C5orf47: variants seen among roughly 807,000 people sequenced by gnomAD.
The protein encoded by C5orf47 is chromosome 5 open reading frame 47, also known as uncharacterized protein C5orf47.
A neutral mutation model predicts 20.6 loss-of-function variants in C5orf47; 20 were observed. The ratio of observed to expected loss-of-function variants is 0.97; its 90% CI spans 0.68 to 1.41. C5orf47 has a LOEUF of 1.41. Among genes scored for constraint, C5orf47 ranks in the 40% most tolerant of loss-of-function variants. The probability of loss-of-function intolerance (pLI) is 0.00; values close to 1 mark genes in which losing one functional copy is unlikely to be tolerated. For synonymous variants in C5orf47, 106 were observed against 97.3 expected, an observed-to-expected ratio of 1.09 and a Z score of -0.53; for missense variants, 262 against 238.4, an observed-to-expected ratio of 1.10 and a Z score of -0.65.
At chr5:174,002,972 T>A (rs1458794688) in intron 4 of C5orf47, among the ~76,000 whole-genome samples, 1 of 152,192 alleles carries the variant, frequency 6.6e-6, no homozygotes, top group African/African-American at 2.4e-5. Context: ...TTGATTCATG[T>A]TATGAATTTT....
intron 1 of C5orf47, among the ~76,000 whole-genome samples, chr5:173,995,211 G>T (rs12519860): frequency 2.6e-5 from 4 of 152,106 alleles, no homozygotes; most frequent in African/African-American, 9.7e-5. Flanking sequence ...AAAACCTATC[G>T]TGTGAGCACT....
At position 173,989,196 on chromosome 5, in the gene C5orf47, C is replaced by G; in HGVS notation, c.-68C>G. ...ACCGCTCCCGCATCCCTCGCCTGCA[C>G]AGTGGGCAGTCTGGCGCCTGTGGCG... On this transcript the variant is annotated 5_prime_UTR_variant, in exon 1 of 5. Transcript: ENST00000340147. The G allele has an allele frequency of 7.5e-7, 1 of 1,330,202 alleles. No homozygotes were observed. Among genetic ancestry groups the G allele is most frequent in the African/African-American group, 1.5e-5 (1 of 65,100 alleles). 82.4% of individuals were successfully genotyped at this position (1,330,202 alleles called of 1,614,324 possible).
intron 1 of C5orf47, among the ~76,000 whole-genome samples, chr5:173,997,821 T>A (rs1011676119): frequency 6.6e-6 from 1 of 152,190 alleles, no homozygotes; most frequent in Admixed American, 6.5e-5. Flanking sequence ...CTGAGAAGAA[T>A]GGAGACTGTA....
At chr5:174,002,139 T>C (rs1176114851) in intron 4 of C5orf47, among the ~76,000 whole-genome samples, 1 of 151,724 alleles carries the variant, frequency 6.6e-6, no homozygotes, top group Non-Finnish European at 1.5e-5. Flanking sequence ...AATTTTTGTT[T>C]TGTATAGGTG....
chr5:173,999,598 T>C lies in C5orf47; in HGVS notation c.412-102T>C, dbSNP rs190629039. The C allele has an allele frequency of 2.2e-5, 11 of 502,018 alleles. No homozygotes were observed. In the Admixed American group the frequency reaches 4.4e-4, roughly 20 times the overall value. The allele number at this position is 502,018 out of a possible 1,614,324, so 31.1% of individuals were successfully genotyped here. On this transcript the variant is annotated intron_variant, in intron 2 of 4. Transcript: ENST00000340147. ...CTAATATAGCCTTATAATGATGATA[T>C]CAATTGACATACAACACAGTTGAGG...
chr5:174,006,618 T>G (rs569880341), downstream of C5orf47, among the ~76,000 whole-genome samples: 2 of 152,278 alleles, frequency 1.3e-5, no homozygotes, highest in Admixed American at 1.3e-4. Context: ...GGAGTAAACT[T>G]ATAAAATAGT....
Position 174,004,702 on chromosome 5 carries a change from A to C in C5orf47, c.*448A>C, listed in dbSNP as rs2113377198. On this transcript the variant is annotated 3_prime_UTR_variant, in exon 5 of 5. Coordinates refer to ENST00000340147, the MANE Select transcript of C5orf47 (RefSeq NM_001144954.2). ...TTTAAATTATTTTTGGCTTCCTCTA[A>C]ACTTCTCAATTATTTTATGGAAAAA... 6.6e-6 allele frequency: 1 copy of C among 152,378 alleles called. No individual in the cohort carries two copies. Among genetic ancestry groups the C allele is most frequent in the African/African-American group, 2.4e-5 (1 of 41,544 alleles). 9.4% of individuals were successfully genotyped at this position (152,378 alleles called of 1,614,324 possible).
intron 2 of C5orf47, among the ~76,000 whole-genome samples, chr5:173,998,802 TTA>T (rs1759144851): frequency 6.6e-6 from 1 of 152,186 alleles, no homozygotes; most frequent in Admixed American, 6.5e-5. Context: ...ACAGCATCGT[TTA>T]TATTCAGTTT....
chr5:173,996,241 A>G (rs1417287676), intron 1 of C5orf47, among the ~76,000 whole-genome samples: 2 of 152,260 alleles, frequency 1.3e-5, no homozygotes, highest in Admixed American at 6.5e-5. Flanking sequence ...CGACTGGGTC[A>G]GAGTGGGTGG....
At position 173,999,402 on chromosome 5, in the gene C5orf47, G is replaced by T. The variant is rs561483073; in HGVS notation, c.412-298G>T. Among the ~76,000 whole-genome samples, 179 of 152,286 alleles carry T rather than the reference G, an allele frequency of 1.2e-3. 1 individual carries two copies. The highest frequency in any genetic ancestry group is 3.9e-3 in the African/African-American group (164 of 41,576). On this transcript the variant is annotated intron_variant, in intron 2 of 4. Coordinates refer to ENST00000340147, the MANE Select transcript of C5orf47 (RefSeq NM_001144954.2). ...AAAATTAGCTTTCAGAATGGAATGT[G>T]TTAGAATTGATTAGGTAGGACTTTA... is the stretch of plus-strand genomic sequence containing the variant.
chr5:174,009,073 G>A (rs1448676150), downstream of C5orf47, among the ~76,000 whole-genome samples: 3 of 152,132 alleles, frequency 2.0e-5, no homozygotes, highest in Admixed American at 6.5e-5. Context: ...TGAGCAGGTA[G>A]TCTAATCCTC....
chr5:173,995,073 A>G (rs1759065256), intron 1 of C5orf47, among the ~76,000 whole-genome samples: 1 of 152,194 alleles, frequency 6.6e-6, no homozygotes, highest in Non-Finnish European at 1.5e-5. Flanking sequence ...TTGGCCTCCC[A>G]AAGTGCTGGG....
At chr5:173,997,555 A>G (rs1169937169) in intron 1 of C5orf47, among the ~76,000 whole-genome samples, 1 of 152,130 alleles carries the variant, frequency 6.6e-6, no homozygotes, top group African/African-American at 2.4e-5. Context: ...AGCCTAGTGG[A>G]GGAAACACAT....
chr5:174,000,666 A>G (rs1331498057), intron 3 of C5orf47, among the ~76,000 whole-genome samples: 2 of 152,160 alleles, frequency 1.3e-5, no homozygotes, highest in Non-Finnish European at 2.9e-5. Context: ...TTTTGCAAGC[A>G]GTGGAAACTT....
At chr5:173,994,565 G>A (rs556949149) in intron 1 of C5orf47, among the ~76,000 whole-genome samples, 1 of 152,230 alleles carries the variant, frequency 6.6e-6, no homozygotes, top group African/African-American at 2.4e-5. Flanking sequence ...CAGTGGCAGC[G>A]GAGGCAGAAT....
chr5:173,993,813 G>A (rs1362539800), intron 1 of C5orf47, among the ~76,000 whole-genome samples: 2 of 152,152 alleles, frequency 1.3e-5, no homozygotes, highest in Non-Finnish European at 2.9e-5. Flanking sequence ...AATTTATTAA[G>A]TTGGTGCAAA....
chr5:174,001,940 C>CT (rs1248375023), intron 4 of C5orf47, among the ~76,000 whole-genome samples: 1 of 147,590 alleles, frequency 6.8e-6, no homozygotes, highest in Non-Finnish European at 1.5e-5. Flanking sequence ...ATACAGTTAT[C>CT]TTTTTTCTTT....
intron 1 of C5orf47, among the ~76,000 whole-genome samples, chr5:173,990,031 A>G (rs1054647715): frequency 5.3e-5 from 8 of 152,184 alleles, no homozygotes; most frequent in South Asian, 4.1e-4. Context: ...TGTCTTGATC[A>G]ACTTATTCCT....
In C5orf47 at chr5:173,989,591, G is replaced by A. The variant is rs1347444000; in HGVS notation, c.325+3G>A. 4 of 1,437,720 alleles carry A rather than the reference G, an allele frequency of 2.8e-6. No individual in the cohort carries two copies. The highest frequency in any genetic ancestry group is 3.6e-6 in the Non-Finnish European group (4 of 1,096,980). 89.1% of individuals were successfully genotyped at this position (1,437,720 alleles called of 1,614,324 possible). On this transcript the variant is annotated splice_donor_region_variant and intron_variant, in intron 1 of 4. Transcript: ENST00000340147. ...CACCAGACAGTCGGCGCGTGCAGGT[G>A]GTGCAGCGGGGCAGGGCGGGACCGG...
Sources: allele counts gnomAD v4.1 joint callset (sites outside exome capture counted in the v4.1 genomes callset), GRCh38; gene constraint gnomAD v4.1.1; transcripts MANE v1.5; gene names NCBI Gene and HGNC (gene_info 2026-07-23, HGNC 2026-07-21).